Variants in PKD2 observed in about 807,000 individuals in gnomAD.
PKD2 encodes polycystin-2.
In PKD2, 48 loss-of-function variants were observed where a neutral mutation model predicts 105.9. The ratio of observed to expected loss-of-function variants is 0.45; its 90% confidence interval spans 0.36 to 0.58. PKD2 has a LOEUF of 0.58. Ranked by LOEUF, PKD2 falls within the 20% of genes least tolerant of loss-of-function variation. PKD2 has a pLI of 0.00. For synonymous variants in PKD2, 464 were observed against 481.1 expected (o/e 0.96, Z 0.46); for missense variants, 1,078 against 1,255.3 (o/e 0.86, Z 2.13).
intron 11 of PKD2, 55 bp downstream of exon 11, chr4:88,065,550 C>A: frequency 6.3e-7 from 1 of 1,575,298 alleles, no homozygotes; most frequent in Non-Finnish European, 8.7e-7. Flanking sequence ...AAGATAAATT[C>A]CTGGTGATAA....
chr4:88,034,800 G>T (rs183085775), intron 2 of PKD2, among the ~76,000 whole-genome samples: 2 of 152,038 alleles, frequency 1.3e-5, no homozygotes, highest in African/African-American at 4.8e-5. Context: ...ATAGGTTCAG[G>T]TAAGTATTAA....
chr4:88,052,853 C>T (rs1397330361), intron 7 of PKD2, among the ~76,000 whole-genome samples: 1 of 152,070 alleles, frequency 6.6e-6, no homozygotes, highest in African/African-American at 2.4e-5. Flanking sequence ...TAGAAGGGAT[C>T]GCCTCTTTTC....
chr4:88,014,489 A>T (rs1021978549), intron 1 of PKD2, among the ~76,000 whole-genome samples: 5 of 151,692 alleles, frequency 3.3e-5, no homozygotes, highest in Non-Finnish European at 4.4e-5. Context: ...CTGTCTCTAA[A>T]AAAAAAAAAA....
At position 88,007,934 on chromosome 4, in the gene PKD2, C is replaced by G. The variant is rs1223024708; in HGVS notation, c.201C>G (p.Pro67=). The G allele has an allele frequency of 6.8e-7, 1 of 1,461,064 alleles. No individual in the cohort carries two copies. The highest frequency in any genetic ancestry group is 9.0e-7 in the Non-Finnish European group (1 of 1,105,092). The allele number at this position is 1,461,064 out of a possible 1,614,324, so 90.5% of individuals were successfully genotyped here. ...QRIRQAAARD[P]PAGAAASPSP... Reference sequence around the variant, plus strand: ...TCCGGCAGGCGGCCGCGCGGGACCCCCCGGCCGGAGCCGCGGCCTCCCCTT... The same window carrying G: ...TCCGGCAGGCGGCCGCGCGGGACCCGCCGGCCGGAGCCGCGGCCTCCCCTT... The change falls in exon 1 of 15, where the codon CCC becomes CCG. Residue 67 remains proline, a synonymous_variant. Transcript: ENST00000237596.
intron 2 of PKD2, among the ~76,000 whole-genome samples, chr4:88,027,684 C>A (rs1727004824): frequency 6.6e-6 from 1 of 152,166 alleles, no homozygotes; most frequent in Non-Finnish European, 1.5e-5. Flanking sequence ...TGTGTCTCCA[C>A]CCAAATCTCA....
chr4:88,046,426 G>A (rs1727768454), intron 5 of PKD2, among the ~76,000 whole-genome samples: 1 of 152,126 alleles, frequency 6.6e-6, no homozygotes, highest in African/African-American at 2.4e-5. Flanking sequence ...CTTTGGGACT[G>A]AAAGACCTCA....
rs770772452 is a variant in PKD2 at position 88,043,422 on chromosome 4, G to A, written c.1284G>A (p.Val428=). 3.2e-5 allele frequency: 51 copies of A among 1,613,632 alleles called. No individual in the cohort carries two copies. Among genetic ancestry groups the A allele is most frequent in the Non-Finnish European group, 3.8e-5 (45 of 1,179,692 alleles). Residue 428 remains valine, a synonymous_variant, in exon 5 of 15, where the codon GTG becomes GTA. Transcript: ENST00000237596. Reference sequence around the variant, plus strand: ...GGGCAACTTTTATTGACTTCTCAGTGTACAACGCCAACATTAACCTGTTCT... The same window carrying A: ...GGGCAACTTTTATTGACTTCTCAGTATACAACGCCAACATTAACCTGTTCT... ...GTRATFIDFS[V]YNANINLFCV...
chr4:88,070,615 G>T (rs7435884), intron 13 of PKD2, among the ~76,000 whole-genome samples: 1 of 142,528 alleles, frequency 7.0e-6, no homozygotes, highest in Non-Finnish European at 1.6e-5. Context: ...GAGAGAGAGA[G>T]AGAGAGAGAG....
intron 13 of PKD2, among the ~76,000 whole-genome samples, chr4:88,068,981 C>G (rs1720896254): frequency 6.6e-6 from 1 of 152,130 alleles, no homozygotes; most frequent in African/African-American, 2.4e-5. Flanking sequence ...ACCCTATTTT[C>G]TCTCTCAACT....
Position 88,074,860 on chromosome 4 carries a change from G to A in PKD2, c.2571G>A (p.Val857=), listed in dbSNP as rs200515044. 43 of 1,613,988 alleles carry A rather than the reference G, an allele frequency of 2.7e-5. No individual in the cohort carries two copies. In the East Asian group the frequency reaches 5.8e-4, roughly 22 times the overall value. ...TGGAGCATTCCATCGGCAGCATAGT[G>A]TCCAAGATTGACGCCGTGATCGTGA... ...DRMEHSIGSI[V]SKIDAVIVKL... The change falls in exon 14 of 15, where the codon GTG becomes GTA. Residue 857 remains valine (V), a synonymous_variant. Transcript: ENST00000237596.
intron 2 of PKD2, among the ~76,000 whole-genome samples, chr4:88,032,297 TA>T (rs1311392988): frequency 1.3e-5 from 2 of 152,232 alleles, no homozygotes; most frequent in East Asian, 3.8e-4. Flanking sequence ...TCAACATTAT[TA>T]AGAATAAAAT....
chr4:88,054,897 A>G (rs1433103149), intron 7 of PKD2, among the ~76,000 whole-genome samples: 1 of 150,584 alleles, frequency 6.6e-6, no homozygotes, highest in African/African-American at 2.4e-5. Flanking sequence ...CTCGTGATCC[A>G]CCCACCTCGG....
Position 88,038,232 on chromosome 4 carries a change from A to G in PKD2, c.844-19A>G, listed in dbSNP as rs763457745. The G allele has an allele frequency of 2.4e-5, 39 of 1,613,590 alleles. No individual in the cohort carries two copies. Among genetic ancestry groups the G allele is most frequent in the Non-Finnish European group, 3.3e-5 (39 of 1,179,768 alleles). On this transcript the variant is annotated intron_variant, in intron 3 of 14. Transcript: ENST00000237596. ...GGCTGAGCTTGGAACTTTTTCAGAGATGTTTCCTTTGCTTTTAGTTCACAG... is the reference window on the plus strand; with the variant it reads ...GGCTGAGCTTGGAACTTTTTCAGAGGTGTTTCCTTTGCTTTTAGTTCACAG...
At chr4:88,062,863 G>GT (rs1424388485) in intron 10 of PKD2, among the ~76,000 whole-genome samples, 3 of 152,268 alleles carry the variant, frequency 2.0e-5, no homozygotes, top group Middle Eastern at 3.4e-3. Flanking sequence ...CCGCATAACA[G>GT]TTGCTTACAT....
In PKD2 at chr4:88,074,975, C is replaced by G. The variant is rs763725109; in HGVS notation, c.2670+16C>G. 6.2e-7 allele frequency: 1 copy of G among 1,613,206 alleles called. No homozygotes were observed. Among genetic ancestry groups the G allele is most frequent in the South Asian group, 1.1e-5 (1 of 91,054 alleles). On this transcript the variant is annotated intron_variant, in intron 14 of 14. Coordinates refer to ENST00000237596, the MANE Select transcript of PKD2 (RefSeq NM_000297.4). ...GGTGGCCGAGGTCAGTAGTCATGAG[C>G]TGAAAACACCGCTGCTGAGCATGGT...
At position 88,057,996 on chromosome 4, in the gene PKD2, C is replaced by A; in HGVS notation, c.1912C>A (p.Arg638Ser). The change falls in exon 9 of 15, where the codon CGT (arginine) becomes AGT (serine). Residue 638 changes from arginine (R) to serine (S), a missense_variant. This residue lies in a region of PKD2 where 868 missense variants were observed against 1,067.3 expected (regional missense o/e 0.81). Transcript: ENST00000237596. ...TTATTTTTATAGCTTCACTCAATTCCGTATCATTTTGGGCGATATCAACTT... is the reference window on the plus strand; with the variant it reads ...TTATTTTTATAGCTTCACTCAATTCAGTATCATTTTGGGCGATATCAACTT... ...TFQECIFTQFRIILGDINFAE... is the reference protein window; with the variant it reads ...TFQECIFTQFSIILGDINFAE... The A allele has an allele frequency of 6.3e-7, 1 of 1,599,790 alleles. No individual in the cohort carries two copies. Among genetic ancestry groups the A allele is most frequent in the Non-Finnish European group, 8.6e-7 (1 of 1,166,986 alleles).
In PKD2 at chr4:88,076,870, G is replaced by C. The variant is rs148672429; in HGVS notation, c.*1176G>C. ...ATAGTACTCAAGTATTCTTGATCCT[G>C]TGTTTCAAAACTAGAATTTGTAATG... On this transcript the variant is annotated 3_prime_UTR_variant, in exon 15 of 15. Transcript: ENST00000237596. 6.6e-5 allele frequency: 10 copies of C among 152,234 alleles called. No homozygotes were observed. The highest frequency in any genetic ancestry group is 1.3e-4 in the Non-Finnish European group (9 of 68,024). The allele number at this position is 152,234 out of a possible 1,614,324, so 9.4% of individuals were successfully genotyped here.
At chr4:88,074,323 G>C (rs1420246243) in intron 13 of PKD2, among the ~76,000 whole-genome samples, 1 of 151,892 alleles carries the variant, frequency 6.6e-6, no homozygotes, top group African/African-American at 2.4e-5. Flanking sequence ...CTATTTTTTA[G>C]AGATGAAGTT....
intron 2 of PKD2, among the ~76,000 whole-genome samples, chr4:88,026,632 G>A (rs552352195): frequency 2.6e-5 from 4 of 152,318 alleles, no homozygotes; most frequent in East Asian, 1.9e-4. Flanking sequence ...AAGTAACGAG[G>A]AGCTGAATGT....
Sources: gnomAD v4.1 joint callset for allele counts (sites outside exome capture counted in the v4.1 genomes callset) on GRCh38, gnomAD v4.1.1 for gene constraint, gnomAD v4.1.1 regional missense constraint, MANE v1.5 for transcripts, NCBI Gene and HGNC (gene_info 2026-07-23, HGNC 2026-07-21) for gene names.